Variants in TOP6BL observed in about 807,000 individuals in gnomAD.
TOP6BL encodes the protein TOP6B like initiator of meiotic double strand breaks.
the TOP6BL span, among the ~76,000 whole-genome samples, chr11:66,751,019 T>G: frequency 6.7e-6 from 1 of 149,642 alleles, no homozygotes; most frequent in Non-Finnish European, 1.5e-5. Flanking sequence ...TGTTATTTAT[T>G]TATTTATTAA....
chr11:66,761,531 GC>G, the TOP6BL span: 1 of 951,048 alleles, frequency 1.1e-6, no homozygotes, highest in Non-Finnish European at 1.5e-6. Flanking sequence ...TTGTTCACTG[GC>G]CAAAGCCTGC....
chr11:66,800,126 TAATC>T, the TOP6BL span, among the ~76,000 whole-genome samples: 1 of 152,050 alleles, frequency 6.6e-6, no homozygotes, highest in African/African-American at 2.4e-5. Context: ...CACATTTTCT[TAATC>T]AACAGAAAGA....
chr11:66,799,077 C>A, the TOP6BL span, among the ~76,000 whole-genome samples: 85 of 151,994 alleles, frequency 5.6e-4, no homozygotes, highest in African/African-American at 1.9e-3. Flanking sequence ...CATGGTGGCG[C>A]ACGCCTGTAA....
At chr11:66,800,545 T>G in the TOP6BL span, 3 of 936,972 alleles carry the variant, frequency 3.2e-6, no homozygotes, top group Non-Finnish European at 4.8e-6. Context: ...TTAAAATTTT[T>G]TAAGCTTATT....
At chr11:66,764,750 G>T in the TOP6BL span, among the ~76,000 whole-genome samples, 1 of 151,882 alleles carries the variant, frequency 6.6e-6, no homozygotes, top group Non-Finnish European at 1.5e-5. Context: ...GACTGAGGTA[G>T]GCAGATTGCT....
At chr11:66,796,215 G>A in the TOP6BL span, 18 of 1,224,534 alleles carry the variant, frequency 1.5e-5, no homozygotes, top group African/African-American at 6.0e-5. Context: ...AGGAAATACC[G>A]TTTTAATTCA....
At chr11:66,777,079 A>C in the TOP6BL span, among the ~76,000 whole-genome samples, 4 of 149,572 alleles carry the variant, frequency 2.7e-5, no homozygotes, top group Admixed American at 6.7e-5. Context: ...ATCTATATCT[A>C]TATATATCTA....
the TOP6BL span, chr11:66,815,845 A>G: frequency 5.5e-5 from 26 of 472,106 alleles, no homozygotes; most frequent in Non-Finnish European, 9.7e-5. Context: ...TTACACACAT[A>G]GTTACTATTT....
chr11:66,838,570 G>T, the TOP6BL span: 1 of 795,756 alleles, frequency 1.3e-6, no homozygotes, highest in Non-Finnish European at 2.0e-6. Context: ...AATTTAGTGG[G>T]CTGTTGCTGC....
chr11:66,815,854 T>G, the TOP6BL span: 1 of 500,934 alleles, frequency 2.0e-6, no homozygotes, highest in Non-Finnish European at 3.5e-6. Context: ...TAGTTACTAT[T>G]TTAATGTTCT....
chr11:66,810,926 C>T, the TOP6BL span, among the ~76,000 whole-genome samples: 1 of 152,092 alleles, frequency 6.6e-6, no homozygotes, highest in Non-Finnish European at 1.5e-5. Context: ...CTGAATTAGG[C>T]CACCTAAAGT....
chr11:66,832,505 C>A, the TOP6BL span, among the ~76,000 whole-genome samples: 1 of 152,216 alleles, frequency 6.6e-6, no homozygotes, highest in African/African-American at 2.4e-5. Flanking sequence ...TTTAGGTGCC[C>A]AGGCACCCAA....
the TOP6BL span, among the ~76,000 whole-genome samples, chr11:66,807,092 T>G: frequency 3.3e-5 from 5 of 151,998 alleles, no homozygotes. Context: ...TAGAACAAAG[T>G]AGTAGAGAAT....
At chr11:66,788,290 A>G in the TOP6BL span, 2 of 1,458,744 alleles carry the variant, frequency 1.4e-6, no homozygotes, top group Admixed American at 1.7e-5. Flanking sequence ...TTGTGGTCTT[A>G]TAAATTACTA....
At chr11:66,761,320 G>A in the TOP6BL span, among the ~76,000 whole-genome samples, 1 of 151,808 alleles carries the variant, frequency 6.6e-6, no homozygotes, top group Non-Finnish European at 1.5e-5. Context: ...GCAGTGAGCC[G>A]AGATTGCGCC....
At chr11:66,793,942 C>T in the TOP6BL span, among the ~76,000 whole-genome samples, 1 of 151,638 alleles carries the variant, frequency 6.6e-6, no homozygotes, top group Admixed American at 6.6e-5. Flanking sequence ...CCTGTCTCTA[C>T]AGAAAATTAA....
At chr11:66,748,406 A>G in the TOP6BL span, 11 of 1,540,272 alleles carry the variant, frequency 7.1e-6, no homozygotes, top group Admixed American at 1.6e-4. Context: ...AATTCACTGG[A>G]AGTGTGACAT....
chr11:66,836,670 T>C, the TOP6BL span, among the ~76,000 whole-genome samples: 1 of 145,634 alleles, frequency 6.9e-6, no homozygotes, highest in African/African-American at 2.5e-5. Context: ...CTGGGCAACA[T>C]AGTGAGACCT....
chr11:66,829,772 C>T, the TOP6BL span, among the ~76,000 whole-genome samples: 1 of 152,016 alleles, frequency 6.6e-6, no homozygotes, highest in African/African-American at 2.4e-5. Flanking sequence ...GCCTGTAGTC[C>T]CAGCTACTCG....
Sources: gnomAD v4.1 joint callset for allele counts (sites outside exome capture counted in the v4.1 genomes callset) on GRCh38, gnomAD v4.1.1 for gene constraint, MANE v1.5 for transcripts, NCBI Gene and HGNC (gene_info 2026-07-23, HGNC 2026-07-21) for gene names.